ASIC2: variants seen among roughly 807,000 people sequenced by gnomAD.
ASIC2 encodes the protein acid-sensing ion channel 2.
Under a neutral mutation model 57.3 loss-of-function variants are expected in ASIC2, and 25 were observed. The observed-to-expected ratio is 0.44, with a 90% CI of 0.32 to 0.61. The LOEUF is 0.61. ASIC2 is among the 20% of genes least tolerant of loss of function. ASIC2 has a pLI of 0.06. For missense variants in ASIC2, 641 were observed against 738.1 expected (o/e 0.87, Z 1.52); for synonymous variants, 319 against 307.5 (o/e 1.04, Z -0.39).
intron 1 of ASIC2, among the ~76,000 whole-genome samples, chr17:33,232,501 T>C: frequency 4.7e-5 from 1 of 21,494 alleles, no homozygotes; most frequent in African/African-American, 9.1e-5. Context: ...TATGGTACGG[T>C]ATGGTATGGT....
At chr17:33,457,921 T>G (rs1912505878) in intron 1 of ASIC2, among the ~76,000 whole-genome samples, 1 of 152,200 alleles carries the variant, frequency 6.6e-6, no homozygotes, top group African/African-American at 2.4e-5. Context: ...TCAAAGACCT[T>G]GCACCCAGCT....
intron 1 of ASIC2, among the ~76,000 whole-genome samples, chr17:33,726,699 GTCCACC>G (rs2142087648): frequency 6.6e-6 from 1 of 152,288 alleles, no homozygotes; most frequent in Non-Finnish European, 1.5e-5. Flanking sequence ...TGGCAGTCTG[GTCCACC>G]CATTCCTTAG....
chr17:33,646,988 G>C (rs1906761279), intron 1 of ASIC2, among the ~76,000 whole-genome samples: 1 of 152,128 alleles, frequency 6.6e-6, no homozygotes, highest in Admixed American at 6.5e-5. Context: ...TGGAAGATGA[G>C]GTAGGTGGGA....
At chr17:33,027,908 C>T (rs148422665) in intron 4 of ASIC2, among the ~76,000 whole-genome samples, 7 of 152,378 alleles carry the variant, frequency 4.6e-5, no homozygotes, top group African/African-American at 1.7e-4. Context: ...GATGCTCAAA[C>T]ATGTACTACA....
chr17:33,825,012 C>T (rs1367878656), intron 1 of ASIC2, among the ~76,000 whole-genome samples: 2 of 152,182 alleles, frequency 1.3e-5, no homozygotes, highest in East Asian at 3.8e-4. Flanking sequence ...ATGTGCACGT[C>T]TCTCTCCCCG....
rs373244583 is a variant in ASIC2, at chr17:34,018,970, C to T, written c.555+137008G>A. Among the ~76,000 whole-genome samples the T allele has an allele frequency of 4.6e-5, 7 of 151,910 alleles. No homozygotes were observed. The East Asian group carries it at 7.8e-4, about 17-fold the overall frequency. On this transcript the variant is annotated intron_variant, in intron 1 of 9. Transcript: ENST00000359872. ...TCACCCAGGCTGGAGTGCAGTGGCG[C>T]GATCTTGGCTCACTGCAAGCTCCAC...
intron 1 of ASIC2, among the ~76,000 whole-genome samples, chr17:33,217,733 A>G (rs1907549991): frequency 6.6e-6 from 1 of 152,342 alleles, no homozygotes; most frequent in African/African-American, 2.4e-5. Flanking sequence ...TTTCTTCTCT[A>G]TAAATCAGAG....
intron 1 of ASIC2, among the ~76,000 whole-genome samples, chr17:33,800,079 C>T (rs1233306640): frequency 6.6e-6 from 1 of 152,108 alleles, no homozygotes; most frequent in East Asian, 1.9e-4. Context: ...CTTAGCTGGT[C>T]CTCCATGCTC....
intron 1 of ASIC2, among the ~76,000 whole-genome samples, chr17:33,749,644 C>T (rs1910369754): frequency 6.6e-6 from 1 of 152,062 alleles, no homozygotes; most frequent in African/African-American, 2.4e-5. Flanking sequence ...GCTTGTCATG[C>T]CCACCAGACT....
At chr17:33,349,383 C>T (rs977291217) in intron 1 of ASIC2, among the ~76,000 whole-genome samples, 1 of 152,198 alleles carries the variant, frequency 6.6e-6, no homozygotes, top group African/African-American at 2.4e-5. Flanking sequence ...CAGGTGAGCA[C>T]TGGACTGGGG....
At chr17:33,769,870 G>T (rs1911043929) in intron 1 of ASIC2, among the ~76,000 whole-genome samples, 1 of 152,198 alleles carries the variant, frequency 6.6e-6, no homozygotes, top group South Asian at 2.1e-4. Context: ...GAAGAGCAGA[G>T]GGAGAAAACC....
intron 1 of ASIC2, among the ~76,000 whole-genome samples, chr17:33,404,550 C>T (rs1910399349): frequency 6.6e-6 from 1 of 152,206 alleles, no homozygotes. Flanking sequence ...GGCTCAACTT[C>T]CAATCAGTTG....
At chr17:33,579,753 G>T (rs190882064) in intron 1 of ASIC2, among the ~76,000 whole-genome samples, 4 of 152,154 alleles carry the variant, frequency 2.6e-5, no homozygotes, top group Non-Finnish European at 5.9e-5. Flanking sequence ...CTAAACAGCA[G>T]CAAAACTCAT....
At chr17:34,142,643 A>G (rs1912303414) in intron 1 of ASIC2, among the ~76,000 whole-genome samples, 1 of 152,240 alleles carries the variant, frequency 6.6e-6, no homozygotes. Context: ...TGCCATTTGC[A>G]AATTTGTCAA....
intron 1 of ASIC2, among the ~76,000 whole-genome samples, chr17:33,749,263 C>T (rs563471791): frequency 1.3e-5 from 2 of 151,976 alleles, no homozygotes; most frequent in Admixed American, 1.3e-4. Flanking sequence ...CCCAGGGAAA[C>T]AAGACCCCTC....
intron 1 of ASIC2, among the ~76,000 whole-genome samples, chr17:33,279,978 C>T (rs775629154): frequency 5.3e-5 from 8 of 152,114 alleles, no homozygotes; most frequent in Non-Finnish European, 7.3e-5. Flanking sequence ...TCCTGGCAAC[C>T]CATTCCACCT....
chr17:33,478,612 G>A (rs4577133), intron 1 of ASIC2, among the ~76,000 whole-genome samples: 29,092 of 152,098 alleles, frequency 0.19, 3,008 homozygotes, highest in Middle Eastern at 0.24. Flanking sequence ...CAAAGCCAGG[G>A]TGGCTCTAGA....
intron 1 of ASIC2, among the ~76,000 whole-genome samples, chr17:33,576,239 CTGTG>C (rs1025943943): frequency 3.3e-5 from 5 of 152,138 alleles, no homozygotes; most frequent in African/African-American, 1.2e-4. Context: ...ACTTGTGCCT[CTGTG>C]TGTGTGCTGG....
At chr17:33,722,455 G>A (rs540531165) in intron 1 of ASIC2, among the ~76,000 whole-genome samples, 10 of 152,234 alleles carry the variant, frequency 6.6e-5, no homozygotes, top group South Asian at 4.2e-4. Flanking sequence ...AAAGATTTCC[G>A]CAAGTAATTT....
Sources: allele counts gnomAD v4.1 joint callset (sites outside exome capture counted in the v4.1 genomes callset), GRCh38; gene constraint gnomAD v4.1.1; transcripts MANE v1.5; gene names NCBI Gene and HGNC (gene_info 2026-07-23, HGNC 2026-07-21).